The following FBXL5 variants were observed in gnomAD, a reference collection of about 807,000 sequenced individuals.
The protein encoded by FBXL5 is F-box and leucine rich repeat protein 5, also known as F-box/LRR-repeat protein 5.
A neutral mutation model predicts 78.3 loss-of-function variants in FBXL5; 26 were observed. That is an observed-to-expected ratio of 0.33 (90% CI 0.24 to 0.46). The LOEUF is 0.46. FBXL5 is among the 20% of genes least tolerant of loss of function. The pLI, the probability that FBXL5 is intolerant of heterozygous loss-of-function variation, is 1.00. For missense variants in FBXL5, 710 were observed against 829.2 expected (o/e 0.86, Z 1.77); for synonymous variants, 295 against 282.5 (o/e 1.04, Z -0.45).
chr4:15,663,501 C>A (rs1407264366), upstream of FBXL5, among the ~76,000 whole-genome samples: 1 of 152,196 alleles, frequency 6.6e-6, no homozygotes, highest in Non-Finnish European at 1.5e-5. Context: ...TTCTTACTTA[C>A]TACCAGCAGG....
chr4:15,623,947 A>G (rs1712746563), intron 9 of FBXL5, among the ~76,000 whole-genome samples: 1 of 151,444 alleles, frequency 6.6e-6, no homozygotes, highest in South Asian at 2.1e-4. Flanking sequence ...CTCAGCCTCC[A>G]GAGTAGCTGG....
At chr4:15,640,548 T>C (rs1339039035) in intron 3 of FBXL5, among the ~76,000 whole-genome samples, 1 of 151,896 alleles carries the variant, frequency 6.6e-6, no homozygotes, top group East Asian at 1.9e-4. Context: ...AAAAAGAAAA[T>C]TAATATTTCC....
intron 1 of FBXL5, among the ~76,000 whole-genome samples, chr4:15,673,048 A>G (rs1456254662): frequency 6.6e-6 from 1 of 152,164 alleles, no homozygotes; most frequent in Non-Finnish European, 1.5e-5. Context: ...GCTGTCATCT[A>G]TGATAACAAT....
intron 1 of FBXL5, among the ~76,000 whole-genome samples, chr4:15,679,592 A>C (rs1718130820): frequency 6.6e-6 from 1 of 151,698 alleles, no homozygotes; most frequent in Admixed American, 6.6e-5. Flanking sequence ...AAAACAAAAA[A>C]CCAACACCCA....
intron 1 of FBXL5, among the ~76,000 whole-genome samples, chr4:15,676,617 C>T (rs1245109987): frequency 6.6e-6 from 1 of 151,668 alleles, no homozygotes; most frequent in Admixed American, 6.6e-5. Flanking sequence ...AAAAATGTTA[C>T]AGGGTCATAC....
intron 5 of FBXL5, among the ~76,000 whole-genome samples, chr4:15,633,127 T>C (rs556619249): frequency 6.6e-6 from 1 of 152,356 alleles, no homozygotes; most frequent in South Asian, 2.1e-4. Context: ...ACAGGTGGGT[T>C]CGATTAACGA....
At chr4:15,644,330 C>T (rs985871476) in intron 2 of FBXL5, among the ~76,000 whole-genome samples, 163 bp downstream of exon 2, 2 of 152,192 alleles carry the variant, frequency 1.3e-5, no homozygotes, top group African/African-American at 4.8e-5. Flanking sequence ...CTCCCCACTG[C>T]AGTAGTTCTT....
At chr4:15,676,778 T>C (rs965905460) in intron 1 of FBXL5, among the ~76,000 whole-genome samples, 2 of 152,196 alleles carry the variant, frequency 1.3e-5, no homozygotes, top group African/African-American at 2.4e-5. Flanking sequence ...TTTGTGTATA[T>C]TTGAACACTT....
intron 10 of FBXL5, 33 bp from the exon 11 acceptor site, chr4:15,605,832 A>G (rs757595301): frequency 8.5e-6 from 13 of 1,537,528 alleles, no homozygotes; most frequent in Non-Finnish European, 8.9e-7. Context: ...GAAAGGAGGA[A>G]TTTCTTAGAG....
chr4:15,680,970 T>A (rs927955182), intron 1 of FBXL5, among the ~76,000 whole-genome samples: 2 of 145,386 alleles, frequency 1.4e-5, no homozygotes, highest in Non-Finnish European at 3.0e-5. Context: ...CATATATATA[T>A]AAATATATAT....
At chr4:15,679,130 T>A (rs1236818397) in intron 1 of FBXL5, among the ~76,000 whole-genome samples, 2 of 149,526 alleles carry the variant, frequency 1.3e-5, no homozygotes, top group East Asian at 2.0e-4. Context: ...CGGCGTGATC[T>A]CGGCTCACTG....
rs1713002435 is a variant in FBXL5, at chr4:15,625,904, C to A, written c.1198G>T (p.Ala400Ser). 1 of 1,613,684 alleles carries A rather than the reference C, an allele frequency of 6.2e-7. No individual in the cohort carries two copies. Among genetic ancestry groups the A allele is most frequent in the Admixed American group, 1.7e-5 (1 of 59,950 alleles). ...LSGCEKITDV[A>S]LEKISRALGI... ...AGAGCTCTGGAAATCTTCTCTAGGG[C>A]CACATCTGTGATTTTCTCACAACCA... The change falls in exon 9 of 11, where the codon GCC (alanine) becomes TCC (serine). Residue 400 changes from alanine (A) to serine (S), a missense_variant. Physicochemically the swap from Ala to Ser is moderately conservative, Grantham distance 99. Transcript: ENST00000341285.
chr4:15,655,361 G>A (rs1017551523), upstream of FBXL5: 10 of 1,183,542 alleles, frequency 8.4e-6, no homozygotes, highest in African/African-American at 9.8e-5. Flanking sequence ...GCGGGGCAGA[G>A]GCGGCGCGCC....
intron 1 of FBXL5, 64 bp from the exon 2 acceptor site, chr4:15,644,772 T>C (rs2148669025): frequency 8.7e-7 from 1 of 1,153,700 alleles, no homozygotes; most frequent in Non-Finnish European, 1.2e-6. Flanking sequence ...ATAAAAAATA[T>C]TCAAATACAT....
At chr4:15,628,772 G>GAC (rs1553850273) in intron 6 of FBXL5, among the ~76,000 whole-genome samples, 7 of 140,400 alleles carry the variant, frequency 5.0e-5, no homozygotes, top group African/African-American at 1.1e-4. Flanking sequence ...GCCAGACACA[G>GAC]ACACACACAC....
intron 1 of FBXL5, among the ~76,000 whole-genome samples, chr4:15,668,960 T>TA (rs1366675458): frequency 6.6e-6 from 1 of 152,220 alleles, no homozygotes; most frequent in Non-Finnish European, 1.5e-5. Flanking sequence ...AAGCAATAGT[T>TA]ACTATAAGTC....
At chr4:15,617,982 G>GA (rs905103847) in intron 9 of FBXL5, among the ~76,000 whole-genome samples, 1 of 151,054 alleles carries the variant, frequency 6.6e-6, no homozygotes, top group African/African-American at 2.4e-5. Context: ...GAAGTTAAAA[G>GA]AAAAAAAAGG....
Position 15,605,797 on chromosome 4 carries a change from G to A in FBXL5, c.2002C>T (p.Pro668Ser). 6.2e-7 allele frequency: 1 copy of A among 1,613,048 alleles called. No individual in the cohort carries two copies. The highest frequency in any genetic ancestry group is 8.5e-7 in the Non-Finnish European group (1 of 1,179,284). ...YFYYCDNINGPHADTASGCQN... is the reference protein window; with the variant it reads ...YFYYCDNINGSHADTASGCQN... The stretch of plus-strand genomic sequence containing the variant: ...CATCCACTGGCGGTATCAGCATGAG[G>A]ACCTGTATGAAAACAGAAAAATGTG... The change falls in exon 11 of 11, where the codon CCT becomes TCT. Residue 668 changes from proline (P) to serine (S), a missense_variant and splice_region_variant. Physicochemically the swap from Pro to Ser is moderately conservative, Grantham distance 74. This residue lies in a region of FBXL5 where 58 missense variants were observed against 112.3 expected (regional missense o/e 0.52). Coordinates refer to ENST00000341285, the MANE Select transcript of FBXL5 (RefSeq NM_012161.4).
chr4:15,635,794 A>T (rs901691329), intron 5 of FBXL5, among the ~76,000 whole-genome samples: 2 of 151,970 alleles, frequency 1.3e-5, no homozygotes, highest in African/African-American at 4.8e-5. Context: ...CCTAGCAGAA[A>T]TTGTTTTAAC....
Sources: gnomAD v4.1 joint callset for allele counts (sites outside exome capture counted in the v4.1 genomes callset) on GRCh38, gnomAD v4.1.1 for gene constraint, gnomAD v4.1.1 regional missense constraint, MANE v1.5 for transcripts, NCBI Gene and HGNC (gene_info 2026-07-23, HGNC 2026-07-21) for gene names.